Variants in DTNB observed in about 807,000 individuals in gnomAD.
The protein encoded by DTNB is DTN-B.
In DTNB, 63 loss-of-function variants were observed where a neutral mutation model predicts 90.7. The observed-to-expected ratio is 0.69, with a 90% CI of 0.57 to 0.86. The LOEUF (loss-of-function observed/expected upper bound fraction) is 0.86, where lower values mean the gene tolerates loss of function less well. Ranked by LOEUF, DTNB falls within the 40% of genes least tolerant of loss-of-function variation. DTNB has a pLI of 0.00. For synonymous variants in DTNB, 277 were observed against 286.7 expected (o/e 0.97, Z 0.34); for missense variants, 744 against 807.1 (o/e 0.92, Z 0.95).
At chr2:25,457,283 TAC>T (rs1409470119) in intron 10 of DTNB, among the ~76,000 whole-genome samples, 1 of 152,234 alleles carries the variant, frequency 6.6e-6, no homozygotes, top group African/African-American at 2.4e-5. Context: ...GTGCTGAGAA[TAC>T]AGGTGTGAGC....
intron 4 of DTNB, among the ~76,000 whole-genome samples, chr2:25,615,704 G>T (rs2070189848): frequency 6.6e-6 from 1 of 152,110 alleles, no homozygotes; most frequent in Non-Finnish European, 1.5e-5. Context: ...GGGTCTCAGG[G>T]GCTCTGTGCC....
At chr2:25,399,012 G>A (rs979901192) in intron 16 of DTNB, among the ~76,000 whole-genome samples, 1 of 152,156 alleles carries the variant, frequency 6.6e-6, no homozygotes, top group Non-Finnish European at 1.5e-5. Flanking sequence ...TGCTGGAGCA[G>A]GTAGTAATCT....
chr2:25,477,999 T>G (rs1359159205), intron 10 of DTNB, among the ~76,000 whole-genome samples: 1 of 138,366 alleles, frequency 7.2e-6, no homozygotes, highest in African/African-American at 2.7e-5. Flanking sequence ...TTTTCTTTGT[T>G]CTTGTGAGTT....
intron 4 of DTNB, 120 bp downstream of exon 4, chr2:25,628,051 A>T: frequency 3.7e-6 from 4 of 1,088,336 alleles, no homozygotes; most frequent in Admixed American, 2.2e-5. Context: ...TTTCCCTTTT[A>T]ATCATGATTC....
At chr2:25,639,341 G>A in intron 2 of DTNB, 1 of 355,506 alleles carries the variant, frequency 2.8e-6, no homozygotes, top group Non-Finnish European at 5.2e-6. Context: ...AACTCCAGGG[G>A]GAGGAACACT....
intron 16 of DTNB, among the ~76,000 whole-genome samples, chr2:25,393,372 T>C (rs1253509231): frequency 2.6e-5 from 4 of 152,104 alleles, no homozygotes; most frequent in African/African-American, 7.2e-5. Context: ...GTACTGGAAG[T>C]CCTAGCCAGA....
chr2:25,466,026 A>C (rs2061709935), intron 10 of DTNB, among the ~76,000 whole-genome samples: 1 of 152,224 alleles, frequency 6.6e-6, no homozygotes, highest in South Asian at 2.1e-4. Context: ...AGATGAAATA[A>C]TCAGTTACTT....
intron 16 of DTNB, among the ~76,000 whole-genome samples, chr2:25,393,706 A>G (rs184842746): frequency 6.6e-6 from 1 of 152,324 alleles, no homozygotes; most frequent in Non-Finnish European, 1.5e-5. Flanking sequence ...AAAGACCTCT[A>G]TAAGGAAAAC....
At position 25,432,980 on chromosome 2, in the gene DTNB, G is replaced by T; in HGVS notation, c.1363C>A (p.Gln455Lys). ...NKNREILQEIQRLRLEHEQAS... is the reference protein window; with the variant it reads ...NKNREILQEIKRLRLEHEQAS... ...TGCTCGTGTTCCAGGCGGAGACGCT[G>T]AATCTCCTGCAGGATCTCTCTAGAG... The change falls in exon 14 of 21, where the codon CAG becomes AAG. Residue 455 changes from glutamine to lysine, a missense_variant. By Grantham distance (53) the Gln-to-Lys change is moderately conservative (BLOSUM62 1). Coordinates refer to ENST00000406818, the MANE Select transcript of DTNB (RefSeq NM_021907.5). 6.2e-7 allele frequency: 1 copy of T among 1,608,396 alleles called. No homozygotes were observed. The highest frequency in any genetic ancestry group is 1.7e-5 in the Admixed American group (1 of 59,518).
chr2:25,649,708 GAC>G (rs1349403371), intron 2 of DTNB: 2 of 152,152 alleles, frequency 1.3e-5, no homozygotes, highest in African/African-American at 4.8e-5. Context: ...GACAGAGCAA[GAC>G]ACAGTCTCAA....
intron 2 of DTNB, among the ~76,000 whole-genome samples, chr2:25,650,931 C>T (rs1380416083): frequency 2.6e-5 from 4 of 151,550 alleles, no homozygotes; most frequent in African/African-American, 9.7e-5. Flanking sequence ...ACTGCACTCC[C>T]GCCTGGGCGG....
chr2:25,419,281 C>T lies in DTNB; in HGVS notation c.1575+234G>A, dbSNP rs372415987. 7.1e-5 allele frequency: 44 copies of T among 621,534 alleles called. No individual in the cohort carries two copies. The African/African-American group carries it at 7.5e-4, about 11-fold the overall frequency. The allele number at this position is 621,534 out of a possible 1,614,324, so 38.5% of individuals were successfully genotyped here. ...CTAATCATGCACACTTCAATGCGCACAACAGATGGGTACTTACAAGCTCTG... is the reference window on the plus strand; with the variant it reads ...CTAATCATGCACACTTCAATGCGCATAACAGATGGGTACTTACAAGCTCTG... On this transcript the variant is annotated intron_variant, in intron 16 of 20. Coordinates refer to ENST00000406818, the MANE Select transcript of DTNB (RefSeq NM_021907.5).
At chr2:25,559,738 G>A (rs2057964279) in intron 8 of DTNB, among the ~76,000 whole-genome samples, 2 of 152,148 alleles carry the variant, frequency 1.3e-5, no homozygotes, top group South Asian at 2.1e-4. Context: ...AATCTAGATG[G>A]GAGAGGAAGC....
At chr2:25,620,146 G>C (rs2072109544) in intron 4 of DTNB, among the ~76,000 whole-genome samples, 1 of 152,166 alleles carries the variant, frequency 6.6e-6, no homozygotes, top group African/African-American at 2.4e-5. Flanking sequence ...GGAGCTGAGG[G>C]GGAACAAAAC....
intron 8 of DTNB, among the ~76,000 whole-genome samples, chr2:25,575,495 C>A (rs1005544698): frequency 6.6e-6 from 1 of 151,696 alleles, no homozygotes; most frequent in Admixed American, 6.6e-5. Flanking sequence ...AAAATTTTAT[C>A]ATTAATTATA....
intron 1 of DTNB, among the ~76,000 whole-genome samples, chr2:25,656,644 C>T: frequency 6.6e-6 from 1 of 152,184 alleles, no homozygotes. Flanking sequence ...CACTAATGCA[C>T]AAATAAAATT....
rs1386247853 is a variant in DTNB at position 25,387,276 on chromosome 2, C to T, written c.1825+13G>A. The T allele has an allele frequency of 6.2e-7, 1 of 1,604,666 alleles. No homozygotes were observed. The highest frequency in any genetic ancestry group is 8.5e-7 in the Non-Finnish European group (1 of 1,174,242). On this transcript the variant is annotated intron_variant, in intron 18 of 20. Coordinates refer to ENST00000406818, the MANE Select transcript of DTNB (RefSeq NM_021907.5). The surrounding 1 kb of genome is among the most constrained non-coding windows in gnomAD (Gnocchi z 4.5). ...GGGAGGCCAGGAAGCTGGCTGGGAG[C>T]TCTGGGTTTCACCTGAATGGAGCTC...
intron 8 of DTNB, among the ~76,000 whole-genome samples, chr2:25,555,286 G>A (rs1236862819): frequency 1.7e-5 from 2 of 116,144 alleles, no homozygotes; most frequent in East Asian, 2.5e-4. Context: ...GCAAGACTCC[G>A]TCTCCAAAAA....
At chr2:25,582,489 A>G (rs1185557286) in intron 6 of DTNB, among the ~76,000 whole-genome samples, 1 of 152,214 alleles carries the variant, frequency 6.6e-6, no homozygotes, top group East Asian at 1.9e-4. Context: ...CACAGCAGGA[A>G]AGAAGCTGTG....
Sources: gnomAD v4.1 joint callset for allele counts (sites outside exome capture counted in the v4.1 genomes callset) on GRCh38, gnomAD v4.1.1 for gene constraint, Gnocchi (gnomAD v3.1) non-coding constraint, MANE v1.5 for transcripts, NCBI Gene and HGNC (gene_info 2026-07-23, HGNC 2026-07-21) for gene names.